The following ARL5A variants were observed in gnomAD, a reference collection of about 807,000 sequenced individuals.
ARL5A encodes the protein ARF like GTPase 5A, also known as ADP-ribosylation factor-like protein 5A.
A neutral mutation model predicts 25.9 loss-of-function variants in ARL5A; 18 were observed. The ratio of observed to expected loss-of-function variants is 0.69; its 90% CI spans 0.48 to 1.03. The LOEUF (loss-of-function observed/expected upper bound fraction) is 1.03, where lower values mean the gene tolerates loss of function less well. ARL5A is among the 50% of genes least tolerant of loss of function. The pLI is 0.00. For synonymous variants in ARL5A, 61 were observed against 67.5 expected, an observed-to-expected ratio of 0.90 and a Z score of 0.47; for missense variants, 170 against 211.9, an observed-to-expected ratio of 0.80 and a Z score of 1.23.
chr2:151,824,099 T>C (rs575376879), intron 1 of ARL5A, among the ~76,000 whole-genome samples: 1 of 152,366 alleles, frequency 6.6e-6, no homozygotes, highest in African/African-American at 2.4e-5. Flanking sequence ...TGTGATGTTG[T>C]AAAAGCAACA....
chr2:151,826,298 C>A (rs113902817), intron 1 of ARL5A, among the ~76,000 whole-genome samples: 2 of 152,142 alleles, frequency 1.3e-5, no homozygotes, highest in African/African-American at 4.8e-5. Flanking sequence ...TCATTAATTT[C>A]TCTATTAATT....
rs1376389439 is a variant in ARL5A at position 151,801,087 on chromosome 2, G to A, written c.*2189C>T. 1 of 152,320 alleles carries A rather than the reference G, an allele frequency of 6.6e-6. No individual in the cohort carries two copies. Among genetic ancestry groups the A allele is most frequent in the Non-Finnish European group, 1.5e-5 (1 of 67,948 alleles). 9.4% of individuals were successfully genotyped at this position (152,320 alleles called of 1,614,324 possible). ...TTCCCAACTATAATTTTGGTTTTAT[G>A]TACAAGTACACAAGTACCACCTTAT... On this transcript the variant is annotated 3_prime_UTR_variant, in exon 6 of 6. Coordinates refer to ENST00000295087, the MANE Select transcript of ARL5A (RefSeq NM_012097.4).
chr2:151,816,255 A>G (rs536306405), intron 1 of ARL5A, among the ~76,000 whole-genome samples: 2 of 152,238 alleles, frequency 1.3e-5, no homozygotes, highest in African/African-American at 4.8e-5. Context: ...GAAAGGGATG[A>G]CCAGTCAGCC....
Position 151,821,824 on chromosome 2 carries a change from G to T in ARL5A, c.46+6307C>A, listed in dbSNP as rs1192387655. 2.7e-4 allele frequency among the ~76,000 whole-genome samples: 29 copies of T among 108,420 alleles called. 1 individual carries two copies. The highest frequency in any genetic ancestry group is 9.6e-4 in the African/African-American group (28 of 29,294). 71.1% of individuals were successfully genotyped at this position (108,420 alleles called of 152,430 possible). ...TTTTTTTTTGAGACGGAGTCTCGCC[G>T]TATGCCCAGCTAATTTTTTAATTTA... On this transcript the variant is annotated intron_variant, in intron 1 of 5. Coordinates refer to ENST00000295087, the MANE Select transcript of ARL5A (RefSeq NM_012097.4).
rs1247521378 is a variant in ARL5A at position 151,799,123 on chromosome 2, TTAAAA to T, written c.*4148_*4152del. The T allele has an allele frequency of 2.0e-5, 3 of 152,190 alleles. No homozygotes were observed. The highest frequency in any genetic ancestry group is 2.9e-5 in the Non-Finnish European group (2 of 68,034). The allele number at this position is 152,190 out of a possible 1,614,324, so 9.4% of individuals were successfully genotyped here. On this transcript the variant is annotated 3_prime_UTR_variant, in exon 6 of 6. Transcript: ENST00000295087. ...TCCTTTTTACTCTATTATCATGGTCTTAAAATAATCTATCGCACATTCTTTGAGGG... is the reference window on the plus strand; with the variant it reads ...TCCTTTTTACTCTATTATCATGGTCTTAATCTATCGCACATTCTTTGAGGG...
chr2:151,805,532 A>G (rs2099829976), intron 5 of ARL5A, among the ~76,000 whole-genome samples: 1 of 152,198 alleles, frequency 6.6e-6, no homozygotes, highest in African/African-American at 2.4e-5. Flanking sequence ...ATACATTCTG[A>G]GAAATGTGTC....
At chr2:151,815,259 T>A (rs1307722818) in intron 1 of ARL5A, 60 bp from the exon 2 acceptor site, 1 of 1,327,534 alleles carries the variant, frequency 7.5e-7, no homozygotes, top group South Asian at 1.3e-5. Flanking sequence ...AGATTAATTA[T>A]AGGAAAAAAT....
chr2:151,816,262 A>G (rs1051874839), intron 1 of ARL5A, among the ~76,000 whole-genome samples: 1 of 152,164 alleles, frequency 6.6e-6, no homozygotes, highest in African/African-American at 2.4e-5. Context: ...ATGACCAGTC[A>G]GCCCCTATCT....
chr2:151,820,737 C>T (rs1441368369), intron 1 of ARL5A, among the ~76,000 whole-genome samples: 1 of 146,316 alleles, frequency 6.8e-6, no homozygotes, highest in African/African-American at 2.5e-5. Flanking sequence ...AAAAGCGTGT[C>T]GGAGACAGTG....
intron 1 of ARL5A, among the ~76,000 whole-genome samples, chr2:151,824,478 CTAA>C (rs61097162): frequency 2.8e-4 from 42 of 150,368 alleles, no homozygotes; most frequent in African/African-American, 5.4e-4. Context: ...TTTAAACTCC[CTAA>C]TAATAATAAT....
chr2:151,805,111 C>G (rs945274666), intron 5 of ARL5A, among the ~76,000 whole-genome samples: 4 of 151,988 alleles, frequency 2.6e-5, no homozygotes, highest in Admixed American at 2.6e-4. Context: ...CATGCTTTTG[C>G]TTGACAAAGA....
At chr2:151,810,495 T>C in intron 4 of ARL5A, 1 of 400,558 alleles carries the variant, frequency 2.5e-6, no homozygotes, top group Non-Finnish European at 5.0e-6. Flanking sequence ...CTTTCTTCTC[T>C]GGTCATCTCC....
chr2:151,809,062 A>T (rs970414177), intron 4 of ARL5A, among the ~76,000 whole-genome samples: 4 of 152,284 alleles, frequency 2.6e-5, no homozygotes, highest in Middle Eastern at 3.4e-3. Context: ...AAACACAAAG[A>T]AACCATTATC....
intron 1 of ARL5A, among the ~76,000 whole-genome samples, 200 bp from the exon 2 acceptor site, chr2:151,815,399 C>A (rs2099831361): frequency 6.6e-6 from 1 of 152,184 alleles, no homozygotes; most frequent in South Asian, 2.1e-4. Context: ...TCCCCATCGC[C>A]ATTATTCTAG....
chr2:151,816,019 G>C (rs974858914), intron 1 of ARL5A, among the ~76,000 whole-genome samples: 1 of 152,126 alleles, frequency 6.6e-6, no homozygotes, highest in Non-Finnish European at 1.5e-5. Flanking sequence ...TTACGTAGCC[G>C]CCTCCTCTTG....
rs907339692 is a variant in ARL5A at position 151,811,278 on chromosome 2, A to C, written c.339+1079T>G. On this transcript the variant is annotated intron_variant, in intron 4 of 5. Coordinates refer to ENST00000295087, the MANE Select transcript of ARL5A (RefSeq NM_012097.4). ...AAATCAATAACAAAATTAACATAAA[A>C]CTTCACTACAAAGATATCCGTGTTT... is the stretch of plus-strand genomic sequence containing the variant. Among the ~76,000 whole-genome samples the C allele has an allele frequency of 6.6e-5, 10 of 152,250 alleles. No individual in the cohort carries two copies. The South Asian group carries it at 2.1e-3, about 32-fold the overall frequency.
At position 151,826,543 on chromosome 2, in the gene ARL5A, TCA is replaced by T. The variant is rs1243422200; in HGVS notation, c.46+1586_46+1587del. ...TTTTCTGGCAGCACTAGAGCTCAAT[TCA>T]CAGTCTTGCTAAACCTCACAGCAGA... is the stretch of plus-strand genomic sequence containing the variant. On this transcript the variant is annotated intron_variant, in intron 1 of 5. Coordinates refer to ENST00000295087, the MANE Select transcript of ARL5A (RefSeq NM_012097.4). 5.9e-5 allele frequency among the ~76,000 whole-genome samples: 9 copies of T among 152,342 alleles called. 1 individual carries two copies. The East Asian group carries it at 7.7e-4, about 13-fold the overall frequency.
At chr2:151,820,489 G>A (rs964202407) in intron 1 of ARL5A, among the ~76,000 whole-genome samples, 11 of 151,558 alleles carry the variant, frequency 7.3e-5, no homozygotes, top group African/African-American at 2.7e-4. Flanking sequence ...GCGAAACCCC[G>A]TCTCTACTAA....
At chr2:151,826,291 T>A (rs2099833046) in intron 1 of ARL5A, among the ~76,000 whole-genome samples, 1 of 152,234 alleles carries the variant, frequency 6.6e-6, no homozygotes, top group Admixed American at 6.5e-5. Context: ...CTTAACTTCA[T>A]TAATTTCTCT....
Sources: allele counts gnomAD v4.1 joint callset (sites outside exome capture counted in the v4.1 genomes callset), GRCh38; gene constraint gnomAD v4.1.1; transcripts MANE v1.5; gene names NCBI Gene and HGNC (gene_info 2026-07-23, HGNC 2026-07-21).